Variants in ANO2 observed in about 807,000 individuals in gnomAD.
ANO2 encodes anoctamin-2.
In ANO2, 101 loss-of-function variants were observed where a neutral mutation model predicts 124.2. The ratio of observed to expected loss-of-function variants is 0.81; its 90% CI spans 0.69 to 0.96. The LOEUF is 0.96. Among genes scored for constraint, ANO2 ranks in the 40% least tolerant of loss-of-function variants. The pLI is 0.00. For missense variants in ANO2, 1,293 were observed against 1,274.5 expected, an observed-to-expected ratio of 1.01 and a Z score of -0.22; for synonymous variants, 486 against 482.5, an observed-to-expected ratio of 1.01 and a Z score of -0.09.
chr12:5,691,342 AAAAAAG>A (rs772005746), intron 14 of ANO2, among the ~76,000 whole-genome samples: 133 of 145,584 alleles, frequency 9.1e-4, no homozygotes, highest in Admixed American at 3.4e-3. Context: ...AAAAAAAAAA[AAAAAAG>A]AAGAAGAAGA....
chr12:5,921,510 A>G, intron 2 of ANO2, 144 bp from the exon 3 acceptor site: 1 of 783,258 alleles, frequency 1.3e-6, no homozygotes, highest in South Asian at 1.8e-5. Flanking sequence ...CCCCCAGTAA[A>G]AGGACCGAAT....
chr12:5,686,243 C>G (rs1948702165), intron 14 of ANO2, among the ~76,000 whole-genome samples: 2 of 152,184 alleles, frequency 1.3e-5, no homozygotes, highest in Non-Finnish European at 2.9e-5. Flanking sequence ...CCAAACCTGT[C>G]AACCCTGCAG....
chr12:5,896,446 C>G (rs1228552743), intron 3 of ANO2, among the ~76,000 whole-genome samples: 2 of 151,990 alleles, frequency 1.3e-5, no homozygotes, highest in African/African-American at 2.4e-5. Flanking sequence ...TATTAAAATC[C>G]TGATTAGTAT....
intron 11 of ANO2, among the ~76,000 whole-genome samples, chr12:5,744,894 T>A (rs1951221651): frequency 1.3e-5 from 2 of 152,138 alleles, no homozygotes; most frequent in Non-Finnish European, 2.9e-5. Context: ...GAGCATGAGC[T>A]GGAGAGCCAC....
At chr12:5,912,855 C>T (rs533370274) in intron 3 of ANO2, among the ~76,000 whole-genome samples, 5 of 152,318 alleles carry the variant, frequency 3.3e-5, no homozygotes, top group South Asian at 2.1e-4. Flanking sequence ...AGCAGCGGCA[C>T]GACTGTTCCT....
At position 5,814,558 on chromosome 12, in the gene ANO2, T is replaced by C. The variant is rs563942880; in HGVS notation, c.893-7190A>G. Among the ~76,000 whole-genome samples, 4 of 152,338 alleles carry C rather than the reference T, an allele frequency of 2.6e-5. No individual in the cohort carries two copies. The South Asian group carries it at 8.3e-4, about 32-fold the overall frequency. ...GCTCTATTCTTTCTCCTGACCCTTA[T>C]CCCTACACGACATCCTATCCATTGT... On this transcript the variant is annotated intron_variant, in intron 7 of 24. Transcript: ENST00000682330.
intron 15 of ANO2, among the ~76,000 whole-genome samples, chr12:5,641,980 A>G (rs1946412705): frequency 6.6e-6 from 1 of 152,146 alleles, no homozygotes. Flanking sequence ...CCAGTGATCT[A>G]TTTGTTGTTG....
intron 16 of ANO2, among the ~76,000 whole-genome samples, chr12:5,619,506 G>A (rs1159221717): frequency 6.6e-6 from 1 of 152,142 alleles, no homozygotes; most frequent in African/African-American, 2.4e-5. Flanking sequence ...CTCATCACAC[G>A]CATTCCCTCC....
chr12:5,724,889 T>C (rs1234398478), intron 14 of ANO2, among the ~76,000 whole-genome samples: 10 of 117,034 alleles, frequency 8.5e-5, no homozygotes, highest in Non-Finnish European at 1.8e-4. Context: ...AAATAGGATT[T>C]TGTTTTAAAG....
intron 3 of ANO2, among the ~76,000 whole-genome samples, chr12:5,894,503 C>T (rs187052505): frequency 2.8e-4 from 43 of 152,190 alleles, no homozygotes; most frequent in Admixed American, 2.5e-3. Context: ...ATTAGATCCC[C>T]TTTGTCAATT....
chr12:5,693,042 G>A (rs372612315), intron 14 of ANO2, among the ~76,000 whole-genome samples: 16 of 151,952 alleles, frequency 1.1e-4, no homozygotes, highest in African/African-American at 3.6e-4. Flanking sequence ...TTACTTCGGC[G>A]CATCCATCAT....
intron 3 of ANO2, among the ~76,000 whole-genome samples, chr12:5,895,140 ATTTG>A (rs2136275913): frequency 6.6e-6 from 1 of 152,242 alleles, no homozygotes; most frequent in East Asian, 1.9e-4. Flanking sequence ...ATGTTTTTCC[ATTTG>A]TTTGTGTCCT....
Position 5,662,413 on chromosome 12 carries a change from G to T in ANO2, c.1546-14612C>A, listed in dbSNP as rs936437954. 1.3e-5 allele frequency among the ~76,000 whole-genome samples: 2 copies of T among 152,302 alleles called. 1 individual carries two copies. ...AAAAATGACATTTTGAAATGTGTTG[G>T]TAATTTTTATTTAAAGATTGTGCCC... On this transcript the variant is annotated intron_variant, in intron 14 of 24. Coordinates refer to ENST00000682330, the MANE Select transcript of ANO2 (RefSeq NM_001364791.2).
intron 19 of ANO2, among the ~76,000 whole-genome samples, chr12:5,603,944 CAAAAAAAA>C (rs63415160): frequency 2.7e-5 from 2 of 74,140 alleles, no homozygotes; most frequent in African/African-American, 1.2e-4. Flanking sequence ...GATTCCGTCT[CAAAAAAAA>C]AAAAAAAAAA....
chr12:5,687,820 G>A (rs758694334), intron 14 of ANO2, among the ~76,000 whole-genome samples: 27 of 152,176 alleles, frequency 1.8e-4, no homozygotes, highest in Non-Finnish European at 3.7e-4. Flanking sequence ...GCCCAGAGAT[G>A]GAAAGAAAGT....
At chr12:5,789,977 C>T (rs7310386) in intron 10 of ANO2, among the ~76,000 whole-genome samples, 10,708 of 152,204 alleles carry the variant, frequency 0.07, 1,198 homozygotes, top group African/African-American at 0.24. Flanking sequence ...TCCAGGGACA[C>T]GTGGTCAAAC....
intron 3 of ANO2, among the ~76,000 whole-genome samples, chr12:5,864,381 G>T (rs1318632084): frequency 6.6e-6 from 1 of 152,254 alleles, no homozygotes; most frequent in African/African-American, 2.4e-5. Flanking sequence ...AGGCCAGTAG[G>T]CTGGCGCCTG....
At chr12:5,846,554 A>C (rs1591688702) in intron 4 of ANO2, among the ~76,000 whole-genome samples, 1 of 152,338 alleles carries the variant, frequency 6.6e-6, no homozygotes, top group Middle Eastern at 3.4e-3. Context: ...AATTATCACA[A>C]CATAAATTTA....
At chr12:5,930,330 C>T (rs967027237) in intron 1 of ANO2, among the ~76,000 whole-genome samples, 1 of 152,130 alleles carries the variant, frequency 6.6e-6, no homozygotes, top group Non-Finnish European at 1.5e-5. Context: ...ATCATCCCCA[C>T]CCCAACCTCC....
Sources: gnomAD v4.1 joint callset for allele counts (sites outside exome capture counted in the v4.1 genomes callset) on GRCh38, gnomAD v4.1.1 for gene constraint, MANE v1.5 for transcripts, NCBI Gene and HGNC (gene_info 2026-07-23, HGNC 2026-07-21) for gene names.